Variants in HCRTR2 observed in about 807,000 individuals in gnomAD.
HCRTR2 encodes the protein orexin receptor type 2.
In HCRTR2, 22 loss-of-function variants were observed where a neutral mutation model predicts 49.0. That is an observed-to-expected ratio of 0.45 (90% CI 0.32 to 0.64). The LOEUF (loss-of-function observed/expected upper bound fraction) is 0.64. Ranked by LOEUF, HCRTR2 falls within the 30% of genes least tolerant of loss-of-function variation. The pLI is 0.04. For synonymous variants in HCRTR2, 236 were observed against 205.3 expected (o/e 1.15, Z -1.28); for missense variants, 491 against 559.4 (o/e 0.88, Z 1.23).
intron 1 of HCRTR2, among the ~76,000 whole-genome samples, chr6:55,184,171 C>G (rs78909956): frequency 1.3e-5 from 2 of 151,972 alleles, no homozygotes; most frequent in Admixed American, 1.3e-4. Flanking sequence ...ACAGGCAATC[C>G]GCCCACCTTG....
chr6:55,174,583 C>G lies in HCRTR2; in HGVS notation c.-5C>G, dbSNP rs1765002232. Reference sequence around the variant, plus strand: ...GCATTGAGCGGAACCGGACTTGAGCCCGTGATGTCCGGCACCAAATTGGAG... The same window carrying G: ...GCATTGAGCGGAACCGGACTTGAGCGCGTGATGTCCGGCACCAAATTGGAG... On this transcript the variant is annotated 5_prime_UTR_variant, in exon 1 of 7. Transcript: ENST00000370862. The G allele has an allele frequency of 6.2e-7, 1 of 1,612,416 alleles. No individual in the cohort carries two copies. The highest frequency in any genetic ancestry group is 8.5e-7 in the Non-Finnish European group (1 of 1,178,682).
intron 2 of HCRTR2, among the ~76,000 whole-genome samples, chr6:55,252,967 C>A (rs1008146681): frequency 4.6e-5 from 7 of 151,920 alleles, no homozygotes; most frequent in African/African-American, 7.2e-5. Context: ...ACTGTCCATA[C>A]AATTCCATGG....
At chr6:55,225,228 C>A (rs1334717337) in intron 1 of HCRTR2, among the ~76,000 whole-genome samples, 1 of 152,032 alleles carries the variant, frequency 6.6e-6, no homozygotes, top group Non-Finnish European at 1.5e-5. Flanking sequence ...TATTATTGGT[C>A]TATGTTTACA....
At position 55,277,544 on chromosome 6, in the gene HCRTR2, G is replaced by A. The variant is rs1328598893; in HGVS notation, c.927G>A (p.Val309=). 7 of 1,614,038 alleles carry A rather than the reference G, an allele frequency of 4.3e-6. No individual in the cohort carries two copies. In the Admixed American group the frequency reaches 1.0e-4, roughly 23 times the overall value. ...AAACAGCCCGGATGTTGATGATTGT[G>A]CTTTTGGTATTTGCAATTTGCTATC... ...RRKTARMLMI[V]LLVFAICYLP... is the part of the protein sequence containing the mutation. The change falls in exon 5 of 7, where the codon GTG becomes GTA. Residue 309 remains valine, a synonymous_variant. Coordinates refer to ENST00000370862, the MANE Select transcript of HCRTR2 (RefSeq NM_001384272.1).
At chr6:55,123,494 T>C (rs1032393541) in intron 1 of HCRTR2, among the ~76,000 whole-genome samples, 9 of 152,182 alleles carry the variant, frequency 5.9e-5, no homozygotes. Flanking sequence ...TTGTGGTGGA[T>C]AAGCTTTTTG....
intron 1 of HCRTR2, among the ~76,000 whole-genome samples, chr6:55,134,158 AT>A (rs1764401840): frequency 6.6e-6 from 1 of 151,788 alleles, no homozygotes; most frequent in Non-Finnish European, 1.5e-5. Flanking sequence ...TATCTAGTGA[AT>A]TTCATAAGTT....
intron 1 of HCRTR2, among the ~76,000 whole-genome samples, chr6:55,135,439 C>T (rs892783244): frequency 6.6e-6 from 1 of 152,046 alleles, no homozygotes. Context: ...TCTATAATAT[C>T]ACTACTCATC....
At chr6:55,123,492 G>GAT (rs1764230804) in intron 1 of HCRTR2, among the ~76,000 whole-genome samples, 2 of 152,108 alleles carry the variant, frequency 1.3e-5, no homozygotes, top group Admixed American at 6.6e-5. Context: ...GATTGTGGTG[G>GAT]ATAAGCTTTT....
chr6:55,139,547 A>G (rs1246803236), intron 1 of HCRTR2, among the ~76,000 whole-genome samples: 2 of 152,188 alleles, frequency 1.3e-5, no homozygotes, highest in South Asian at 4.1e-4. Flanking sequence ...GAGTTGATAA[A>G]TTCCAAAATC....
At chr6:55,230,203 A>G (rs905944250) in intron 1 of HCRTR2, among the ~76,000 whole-genome samples, 1 of 152,206 alleles carries the variant, frequency 6.6e-6, no homozygotes, top group African/African-American at 2.4e-5. Flanking sequence ...TTCCATAAAA[A>G]TCTCCATTCT....
chr6:55,258,626 A>AAAAT (rs1285389613), intron 3 of HCRTR2, among the ~76,000 whole-genome samples: 2 of 152,218 alleles, frequency 1.3e-5, no homozygotes, highest in African/African-American at 4.8e-5. Context: ...AATAACCTTT[A>AAAAT]AAATATACAT....
At chr6:55,206,281 C>T (rs1263576975) in intron 1 of HCRTR2, among the ~76,000 whole-genome samples, 1 of 151,904 alleles carries the variant, frequency 6.6e-6, no homozygotes, top group African/African-American at 2.4e-5. Context: ...ATATCTGAAA[C>T]CATTTTCATA....
At chr6:55,249,091 AAACT>A (rs1276357136) in intron 2 of HCRTR2, among the ~76,000 whole-genome samples, 3 of 152,078 alleles carry the variant, frequency 2.0e-5, no homozygotes, top group Admixed American at 6.6e-5. Flanking sequence ...GATTTTGCAC[AAACT>A]TTTTTTATTC....
At chr6:55,120,755 G>T (rs950716424) in intron 1 of HCRTR2, among the ~76,000 whole-genome samples, 8 of 151,938 alleles carry the variant, frequency 5.3e-5, no homozygotes, top group Non-Finnish European at 1.0e-4. Flanking sequence ...GCTTTCTCTT[G>T]TCTGATTGGC....
intron 1 of HCRTR2, among the ~76,000 whole-genome samples, chr6:55,212,087 C>T (rs1294162100): frequency 6.6e-6 from 1 of 152,146 alleles, no homozygotes; most frequent in African/African-American, 2.4e-5. Context: ...TGTCTTTCTC[C>T]ATATCTCAAG....
intron 4 of HCRTR2, among the ~76,000 whole-genome samples, chr6:55,270,231 AAAAT>A (rs1229392518): frequency 5.9e-5 from 9 of 152,214 alleles, no homozygotes; most frequent in African/African-American, 1.9e-4. Context: ...TGGATTATTA[AAAAT>A]AAATAGTCTG....
intron 1 of HCRTR2, among the ~76,000 whole-genome samples, chr6:55,211,791 A>G (rs1343355617): frequency 6.6e-6 from 1 of 151,998 alleles, no homozygotes; most frequent in Non-Finnish European, 1.5e-5. Context: ...TTTAAACATC[A>G]CTTCCTCTGG....
At chr6:55,187,412 A>T (rs1765235977) in intron 1 of HCRTR2, among the ~76,000 whole-genome samples, 1 of 2,104 alleles carries the variant, frequency 4.8e-4, no homozygotes, top group Non-Finnish European at 1.2e-3. Context: ...ACTCCGTCTC[A>T]AAAAAAAAAA....
At chr6:55,215,318 C>A (rs1383697040) in intron 1 of HCRTR2, among the ~76,000 whole-genome samples, 3 of 152,032 alleles carry the variant, frequency 2.0e-5, no homozygotes, top group Non-Finnish European at 4.4e-5. Context: ...AACAAAAAAT[C>A]CTTTATCCAG....
Sources: allele counts gnomAD v4.1 joint callset (sites outside exome capture counted in the v4.1 genomes callset), GRCh38; gene constraint gnomAD v4.1.1; transcripts MANE v1.5; gene names NCBI Gene and HGNC (gene_info 2026-07-23, HGNC 2026-07-21).